DPP6: variants seen among roughly 807,000 people sequenced by gnomAD.
DPP6 encodes the protein dipeptidyl peptidase like 6.
DPP6 carries 69 observed loss-of-function variants against 122.6 expected under a neutral mutation model. The ratio of observed to expected loss-of-function variants is 0.56; its 90% CI spans 0.46 to 0.69. The LOEUF (loss-of-function observed/expected upper bound fraction) is 0.69. Among genes scored for constraint, DPP6 ranks in the 30% least tolerant of loss-of-function variants. DPP6 has a pLI of 0.00. For missense variants in DPP6, 928 were observed against 1,116.9 expected, an observed-to-expected ratio of 0.83 and a Z score of 2.41; for synonymous variants, 418 against 433.1, an observed-to-expected ratio of 0.97 and a Z score of 0.43.
intron 6 of DPP6, among the ~76,000 whole-genome samples, chr7:154,639,970 T>TA (rs1279433530): frequency 1.5e-4 from 23 of 152,084 alleles, no homozygotes; most frequent in Middle Eastern, 3.4e-3. Flanking sequence ...CCCATGCTAG[T>TA]AAAAAAACTC....
chr7:153,952,822 A>G (rs1802283281), intron 1 of DPP6, among the ~76,000 whole-genome samples: 1 of 152,230 alleles, frequency 6.6e-6, no homozygotes. Flanking sequence ...TTTATAGCAA[A>G]TGCTTAAAAT....
intron 11 of DPP6, among the ~76,000 whole-genome samples, chr7:154,795,622 G>A (rs1797995037): frequency 6.6e-6 from 1 of 151,994 alleles, no homozygotes; most frequent in Non-Finnish European, 1.5e-5. Flanking sequence ...TTTCTAATTC[G>A]AGGACGCTTG....
intron 9 of DPP6, among the ~76,000 whole-genome samples, chr7:154,769,880 C>T (rs1010653580): frequency 4.6e-5 from 7 of 152,240 alleles, no homozygotes; most frequent in Admixed American, 2.0e-4. Flanking sequence ...CCCTCTCTCA[C>T]GCATCTTATT....
In DPP6 at chr7:154,574,541, TGTG is replaced by T. The variant is rs1203080929; in HGVS notation, c.627+7629_627+7631del. ...TGGTGTATATGTGTGGTGTGTATGG[TGTG>T]GTGTGTGTGTGGTATGTGTATAAGT... On this transcript the variant is annotated intron_variant, in intron 5 of 25. Coordinates refer to ENST00000377770, the MANE Select transcript of DPP6 (RefSeq NM_130797.4). Among the ~76,000 whole-genome samples the T allele has an allele frequency of 1.5e-3, 208 of 141,214 alleles. 1 individual carries two copies. The highest frequency in any genetic ancestry group is 5.8e-3 in the South Asian group (25 of 4,274). 92.6% of individuals were successfully genotyped at this position (141,214 alleles called of 152,430 possible).
chr7:154,059,267 C>G (rs1473769455), intron 1 of DPP6: 1 of 149,788 alleles, frequency 6.7e-6, no homozygotes, highest in Non-Finnish European at 1.5e-5. Flanking sequence ...ACACCCATCG[C>G]AGAGGGGGGA....
At chr7:154,415,643 TG>T (rs754445798) in intron 1 of DPP6, among the ~76,000 whole-genome samples, 10 of 151,470 alleles carry the variant, frequency 6.6e-5, no homozygotes, top group Non-Finnish European at 1.2e-4. Flanking sequence ...CTCAGTATGA[TG>T]TAGGTTAAAT....
intron 1 of DPP6, among the ~76,000 whole-genome samples, chr7:154,168,770 A>G (rs1797383431): frequency 6.6e-6 from 1 of 152,242 alleles, no homozygotes; most frequent in Non-Finnish European, 1.5e-5. Flanking sequence ...TGCTCAAATG[A>G]TAATGACATT....
intron 3 of DPP6, among the ~76,000 whole-genome samples, chr7:154,494,909 C>A (rs1824597288): frequency 6.6e-6 from 1 of 152,190 alleles, no homozygotes. Flanking sequence ...AAAGACATAA[C>A]AAAGCATGGG....
intron 1 of DPP6, among the ~76,000 whole-genome samples, chr7:154,089,672 G>A (rs1399529827): frequency 7.2e-6 from 1 of 138,754 alleles, no homozygotes; most frequent in South Asian, 2.7e-4. Flanking sequence ...TCATTCCCAC[G>A]GCAGTCCTCA....
At chr7:154,175,177 C>T (rs1024632809) in intron 1 of DPP6, among the ~76,000 whole-genome samples, 1 of 152,048 alleles carries the variant, frequency 6.6e-6, no homozygotes, top group African/African-American at 2.4e-5. Context: ...GTCACGAACC[C>T]AGTGTTGTTG....
chr7:154,049,997 A>C (rs1254305005), upstream of DPP6, among the ~76,000 whole-genome samples: 1 of 152,160 alleles, frequency 6.6e-6, no homozygotes, highest in African/African-American at 2.4e-5. Context: ...ATCATCCTTG[A>C]GGAACATCCT....
chr7:154,211,373 G>T (rs959679854), intron 1 of DPP6, among the ~76,000 whole-genome samples: 2 of 152,078 alleles, frequency 1.3e-5, no homozygotes, highest in Admixed American at 6.6e-5. Context: ...TTCCACACCT[G>T]AGTCAGGGAG....
At chr7:154,130,341 T>G (rs1795205417) in intron 1 of DPP6, among the ~76,000 whole-genome samples, 1 of 152,022 alleles carries the variant, frequency 6.6e-6, no homozygotes, top group Admixed American at 6.5e-5. Flanking sequence ...ATCTAGTGAG[T>G]TGCTGAAACT....
At chr7:153,842,431 G>A in the DPP6 span, among the ~76,000 whole-genome samples, 7 of 151,306 alleles carry the variant, frequency 4.6e-5, no homozygotes, top group African/African-American at 1.5e-4. Flanking sequence ...TGCCTTATAG[G>A]TTTTTCTTTT....
intron 6 of DPP6, among the ~76,000 whole-genome samples, chr7:154,638,916 T>C (rs1428658036): frequency 6.6e-6 from 1 of 152,184 alleles, no homozygotes; most frequent in Admixed American, 6.5e-5. Context: ...CTGTCATGCT[T>C]TGCAAAGGTG....
chr7:154,163,449 C>T (rs1388942784), intron 1 of DPP6, among the ~76,000 whole-genome samples: 1 of 152,154 alleles, frequency 6.6e-6, no homozygotes, highest in East Asian at 1.9e-4. Context: ...TTAGTATCTT[C>T]AGTTTCATTC....
At chr7:154,888,024 C>T (rs1806304807) in intron 23 of DPP6, among the ~76,000 whole-genome samples, 1 of 151,672 alleles carries the variant, frequency 6.6e-6, no homozygotes, top group South Asian at 2.1e-4. Flanking sequence ...CCATGGATAC[C>T]TGATGTGCAC....
chr7:154,055,929 G>C (rs1442739636), intron 1 of DPP6: 1 of 152,224 alleles, frequency 6.6e-6, no homozygotes, highest in Non-Finnish European at 1.5e-5. Context: ...CTTCTGTCTG[G>C]AAATTGAGAA....
intron 16 of DPP6, among the ~76,000 whole-genome samples, chr7:154,840,269 G>A (rs1801414311): frequency 6.6e-6 from 1 of 152,192 alleles, no homozygotes. Flanking sequence ...CCCAGCAGGT[G>A]GCCATGGCGA....
Sources: allele counts gnomAD v4.1 joint callset (sites outside exome capture counted in the v4.1 genomes callset), GRCh38; gene constraint gnomAD v4.1.1; transcripts MANE v1.5; gene names NCBI Gene and HGNC (gene_info 2026-07-23, HGNC 2026-07-21).